Variants in USP12 observed in about 807,000 individuals in gnomAD.
The protein encoded by USP12 is ubiquitin carboxyl-terminal hydrolase 12.
Under a neutral mutation model 45.5 loss-of-function variants are expected in USP12, and 19 were observed. That is an observed-to-expected ratio of 0.42 (90% CI 0.29 to 0.61). USP12 has a LOEUF of 0.61. USP12 is among the 20% of genes least tolerant of loss of function. The probability of loss-of-function intolerance (pLI) is 0.22; values close to 1 mark genes in which losing one functional copy is unlikely to be tolerated. For synonymous variants in USP12, 149 were observed against 148.8 expected, an observed-to-expected ratio of 1.00 and a Z score of -0.01; for missense variants, 242 against 447.7, an observed-to-expected ratio of 0.54 and a Z score of 4.15.
intron 6 of USP12, chr13:27,089,592 A>G (rs893723842): frequency 2.3e-5 from 6 of 259,440 alleles, no homozygotes; most frequent in African/African-American, 1.3e-4. Flanking sequence ...ACCAAGAAAA[A>G]AGTTTACATC....
intron 6 of USP12, among the ~76,000 whole-genome samples, chr13:27,085,710 T>C (rs1488305237): frequency 1.3e-5 from 2 of 151,898 alleles, no homozygotes; most frequent in Non-Finnish European, 2.9e-5. Flanking sequence ...CAGAAACTTA[T>C]GCATAATTTA....
intron 2 of USP12, among the ~76,000 whole-genome samples, chr13:27,115,066 G>A (rs947060449): frequency 2.6e-5 from 4 of 152,162 alleles, no homozygotes; most frequent in Non-Finnish European, 4.4e-5. Flanking sequence ...AGTTGGAGCT[G>A]TGGCCCCTGT....
intron 8 of USP12, 110 bp downstream of exon 8, chr13:27,070,961 A>G: frequency 2.3e-6 from 2 of 884,062 alleles, no homozygotes; most frequent in East Asian, 2.6e-5. Context: ...AGACCCAGAC[A>G]TTTGTCTCAT....
chr13:27,115,078 G>T (rs1411122304), intron 2 of USP12, among the ~76,000 whole-genome samples: 1 of 152,078 alleles, frequency 6.6e-6, no homozygotes, highest in Non-Finnish European at 1.5e-5. Context: ...GGCCCCTGTA[G>T]ATATGTTAAT....
At chr13:27,143,789 T>C (rs1877179104) in intron 1 of USP12, among the ~76,000 whole-genome samples, 1 of 152,250 alleles carries the variant, frequency 6.6e-6, no homozygotes, top group Non-Finnish European at 1.5e-5. Context: ...CCTTTAGACC[T>C]AATTCCCACT....
chr13:27,138,354 T>C (rs1015712200), intron 1 of USP12, among the ~76,000 whole-genome samples: 3 of 152,178 alleles, frequency 2.0e-5, no homozygotes, highest in African/African-American at 7.2e-5. Context: ...AACAAGTCTA[T>C]TAAAGGCCTG....
intron 4 of USP12, among the ~76,000 whole-genome samples, chr13:27,095,267 C>A (rs1392062564): frequency 6.6e-6 from 1 of 152,058 alleles, no homozygotes; most frequent in Non-Finnish European, 1.5e-5. Context: ...AAAGGAAAAA[C>A]GAATTAATAT....
At chr13:27,083,824 C>A (rs1486451376) in intron 6 of USP12, among the ~76,000 whole-genome samples, 1 of 151,484 alleles carries the variant, frequency 6.6e-6, no homozygotes, top group African/African-American at 2.4e-5. Context: ...AAAAATTATT[C>A]TTCAGTGTTC....
Position 27,071,211 on chromosome 13 carries a change from A to G in USP12, c.933-62T>C, listed in dbSNP as rs926971188. The G allele has an allele frequency of 2.1e-6, 3 of 1,440,038 alleles. No homozygotes were observed. In the African/African-American group the frequency reaches 4.4e-5, roughly 21 times the overall value. The allele number at this position is 1,440,038 out of a possible 1,614,324, so 89.2% of individuals were successfully genotyped here. A position where few individuals can be genotyped will look rare whatever the true frequency, so the allele number is the denominator to read the frequency against. On this transcript the variant is annotated intron_variant, in intron 7 of 8. Transcript: ENST00000282344. ...TATTAATATTACTCTTTCATGCTCTAAATTTTGTTTTATAAAGAAACAGAA... is the reference window on the plus strand; with the variant it reads ...TATTAATATTACTCTTTCATGCTCTGAATTTTGTTTTATAAAGAAACAGAA...
At chr13:27,126,618 T>A (rs972072205) in intron 1 of USP12, among the ~76,000 whole-genome samples, 3 of 152,240 alleles carry the variant, frequency 2.0e-5, no homozygotes, top group Admixed American at 2.0e-4. Context: ...CCCATTCTAA[T>A]ATAAACTAAA....
chr13:27,079,803 C>G (rs74972967), intron 6 of USP12, among the ~76,000 whole-genome samples: 2 of 152,190 alleles, frequency 1.3e-5, no homozygotes, highest in Admixed American at 1.3e-4. Flanking sequence ...TACCAACATC[C>G]TGTCAGCAGA....
intron 1 of USP12, among the ~76,000 whole-genome samples, chr13:27,125,411 G>C (rs1233727181): frequency 6.6e-6 from 1 of 152,216 alleles, no homozygotes; most frequent in African/African-American, 2.4e-5. Flanking sequence ...ATGTACTATA[G>C]CAAGTCTGGA....
At chr13:27,073,470 G>A (rs1873336138) in intron 7 of USP12, among the ~76,000 whole-genome samples, 1 of 152,180 alleles carries the variant, frequency 6.6e-6, no homozygotes, top group African/African-American at 2.4e-5. Context: ...AAAAGGGAAA[G>A]GGTCAAGAGA....
At chr13:27,135,317 T>C (rs1876751827) in intron 1 of USP12, among the ~76,000 whole-genome samples, 1 of 152,256 alleles carries the variant, frequency 6.6e-6, no homozygotes, top group African/African-American at 2.4e-5. Context: ...TTTATTTTGT[T>C]TGATCTCAAA....
At chr13:27,160,538 T>C (rs1255641821) in intron 1 of USP12, among the ~76,000 whole-genome samples, 1 of 151,978 alleles carries the variant, frequency 6.6e-6, no homozygotes, top group East Asian at 1.9e-4. Flanking sequence ...AAGATTCTAA[T>C]TTGCCTAGCA....
intron 1 of USP12, among the ~76,000 whole-genome samples, chr13:27,151,224 G>A (rs961109175): frequency 2.0e-5 from 3 of 151,964 alleles, no homozygotes; most frequent in African/African-American, 4.8e-5. Flanking sequence ...CCAGCTACTC[G>A]GGAGTCTGAG....
chr13:27,138,285 CGAA>C (rs1354022940), intron 1 of USP12, among the ~76,000 whole-genome samples: 3 of 152,182 alleles, frequency 2.0e-5, no homozygotes, highest in African/African-American at 4.8e-5. Flanking sequence ...GCTGAGAGGC[CGAA>C]GAAAGAGGCT....
intron 6 of USP12, among the ~76,000 whole-genome samples, chr13:27,078,713 T>TAA (rs1873608087): frequency 1.3e-5 from 2 of 151,740 alleles, no homozygotes; most frequent in Admixed American, 6.6e-5. Context: ...ATAACAATCT[T>TAA]AAAAGCATGT....
At chr13:27,161,912 AAAG>A (rs1878127811) in intron 1 of USP12, among the ~76,000 whole-genome samples, 1 of 151,892 alleles carries the variant, frequency 6.6e-6, no homozygotes, top group African/African-American at 2.4e-5. Flanking sequence ...AAAAAATTAA[AAAG>A]CCACTCATTA....
Sources: allele counts gnomAD v4.1 joint callset (sites outside exome capture counted in the v4.1 genomes callset), GRCh38; gene constraint gnomAD v4.1.1; transcripts MANE v1.5; gene names NCBI Gene and HGNC (gene_info 2026-07-23, HGNC 2026-07-21).